ARHGEF4: variants seen among roughly 807,000 people sequenced by gnomAD.
ARHGEF4 encodes the protein APC-stimulated guanine nucleotide exchange factor 1.
In ARHGEF4, 119 loss-of-function variants were observed where a neutral mutation model predicts 162.0. The observed-to-expected ratio is 0.73, with a 90% CI of 0.63 to 0.86. The LOEUF (loss-of-function observed/expected upper bound fraction) is 0.86. ARHGEF4 is among the 40% of genes least tolerant of loss of function. The probability of loss-of-function intolerance (pLI) is 0.00; values close to 1 mark genes in which losing one functional copy is unlikely to be tolerated. For synonymous variants in ARHGEF4, 1,014 were observed against 979.9 expected (o/e 1.03, Z -0.65); for missense variants, 2,488 against 2,456.0 (o/e 1.01, Z -0.28).
intron 4 of ARHGEF4, among the ~76,000 whole-genome samples, chr2:131,013,214 GC>G (rs1235301566): frequency 6.6e-6 from 1 of 152,164 alleles, no homozygotes; most frequent in African/African-American, 2.4e-5. Context: ...GCTCTCACCA[GC>G]CTGGCAATAG....
At chr2:130,955,720 A>G (rs1441015973) in intron 4 of ARHGEF4, among the ~76,000 whole-genome samples, 1 of 152,204 alleles carries the variant, frequency 6.6e-6, no homozygotes, top group African/African-American at 2.4e-5. Context: ...CTCAGAAAGG[A>G]TCACTTTCTG....
At chr2:131,040,698 CAGAT>C (rs967056060) in intron 8 of ARHGEF4, among the ~76,000 whole-genome samples, 3 of 152,220 alleles carry the variant, frequency 2.0e-5, no homozygotes, top group African/African-American at 7.2e-5. Context: ...CTTGCTTTGA[CAGAT>C]AGGAGGGCAG....
chr2:130,900,759 A>ATAGTG (rs1350477065), intron 1 of ARHGEF4, among the ~76,000 whole-genome samples: 4 of 152,278 alleles, frequency 2.6e-5, no homozygotes, highest in African/African-American at 9.6e-5. Context: ...ATTTTTAATT[A>ATAGTG]TAGTGTAGAC....
At chr2:130,924,011 G>A (rs1320717603) in intron 2 of ARHGEF4, among the ~76,000 whole-genome samples, 1 of 151,434 alleles carries the variant, frequency 6.6e-6, no homozygotes, top group Non-Finnish European at 1.5e-5. Context: ...CTCCCGAGTA[G>A]CTGGGACTAC....
At position 130,866,339 on chromosome 2, in the gene ARHGEF4, G is replaced by A. The variant is rs1390471424; in HGVS notation, c.39+29347G>A. Among the ~76,000 whole-genome samples the A allele has an allele frequency of 4.6e-5, 7 of 152,200 alleles. No individual in the cohort carries two copies. In the East Asian group the frequency reaches 1.3e-3, roughly 29 times the overall value. ...GCAGAGGTTGCAGTGAGCCAAGTTT[G>A]TGCCACTGCACTCCAGCCTGGGTGA... On this transcript the variant is annotated intron_variant, in intron 1 of 13. Transcript: ENST00000409359.
chr2:130,906,736 G>T (rs1049920484), intron 1 of ARHGEF4, among the ~76,000 whole-genome samples: 1 of 152,116 alleles, frequency 6.6e-6, no homozygotes, highest in Non-Finnish European at 1.5e-5. Flanking sequence ...GTATCCAGTC[G>T]ACACGTCATT....
At position 130,988,901 on chromosome 2, in the gene ARHGEF4, T is replaced by TAGAGAGAGAGAGAGAG. The variant is rs368452142; in HGVS notation, c.3986-39024_3986-39009dup. ...ATATATATATATATATATATATATA[T>TAGAGAGAGAGAGAGAG]AGAGAGAGAGAGAGAGAGAGAGAGA... On this transcript the variant is annotated intron_variant, in intron 4 of 13. Transcript: ENST00000409359. Among the ~76,000 whole-genome samples, 7 of 113,384 alleles carry TAGAGAGAGAGAGAGAG rather than the reference T, an allele frequency of 6.2e-5. No individual in the cohort carries two copies. The East Asian group carries it at 1.1e-3, about 18-fold the overall frequency. 74.4% of individuals were successfully genotyped at this position (113,384 alleles called of 152,430 possible).
At chr2:130,921,215 C>T (rs1681853533) in intron 2 of ARHGEF4, among the ~76,000 whole-genome samples, 1 of 152,188 alleles carries the variant, frequency 6.6e-6, no homozygotes, top group Non-Finnish European at 1.5e-5. Context: ...AAGAATCATC[C>T]TGTGGACTGG....
chr2:130,878,184 A>G (rs180701571), intron 1 of ARHGEF4, among the ~76,000 whole-genome samples: 121 of 152,326 alleles, frequency 7.9e-4, no homozygotes, highest in Non-Finnish European at 4.4e-5. Flanking sequence ...TCTCTGTCAT[A>G]TATTCTTTAT....
chr2:130,844,969 G>T (rs1039386738), intron 1 of ARHGEF4, among the ~76,000 whole-genome samples: 4 of 151,642 alleles, frequency 2.6e-5, no homozygotes, highest in Non-Finnish European at 5.9e-5. Context: ...GATTACAGGC[G>T]TCCACCACCA....
intron 4 of ARHGEF4, among the ~76,000 whole-genome samples, chr2:131,013,151 G>A (rs745587866): frequency 1.2e-4 from 18 of 151,850 alleles, no homozygotes; most frequent in African/African-American, 3.4e-4. Context: ...AGGGCACGCC[G>A]CAGTGTGGAT....
At chr2:130,996,300 C>G (rs1687388579) in intron 4 of ARHGEF4, among the ~76,000 whole-genome samples, 1 of 152,214 alleles carries the variant, frequency 6.6e-6, no homozygotes, top group Admixed American at 6.5e-5. Context: ...CCTCTGTGTC[C>G]TAACCTGGCT....
At position 131,046,334 on chromosome 2, in the gene ARHGEF4, C is replaced by A; in HGVS notation, c.*145C>A. On this transcript the variant is annotated 3_prime_UTR_variant, in exon 14 of 14. Transcript: ENST00000409359. ...GAGTTGCTTGTGCCACCAAGACGTG[C>A]CAGGTCTGTACTCCTGTTGTCTTTT... is the stretch of plus-strand genomic sequence containing the variant. The A allele has an allele frequency of 1.2e-6, 1 of 832,468 alleles. No homozygotes were observed. Among genetic ancestry groups the A allele is most frequent in the Non-Finnish European group, 1.9e-6 (1 of 539,202 alleles). The allele number at this position is 832,468 out of a possible 1,614,324, so 51.6% of individuals were successfully genotyped here. A position where few individuals can be genotyped will look rare whatever the true frequency, so the allele number is the denominator to read the frequency against.
At chr2:130,978,688 A>C (rs62178927) in intron 4 of ARHGEF4, among the ~76,000 whole-genome samples, 6,583 of 152,256 alleles carry the variant, frequency 0.043, 162 homozygotes, top group Middle Eastern at 0.075. Context: ...AATATGACTC[A>C]AATTCTGTTT....
chr2:130,935,152 T>G (rs1682863862), intron 3 of ARHGEF4, among the ~76,000 whole-genome samples: 1 of 121,874 alleles, frequency 8.2e-6, no homozygotes, highest in Admixed American at 9.7e-5. Context: ...TTTTAATTTT[T>G]TATCTATTTA....
At chr2:130,967,320 C>G (rs1352318643) in intron 4 of ARHGEF4, among the ~76,000 whole-genome samples, 1 of 152,208 alleles carries the variant, frequency 6.6e-6, no homozygotes, top group Non-Finnish European at 1.5e-5. Context: ...CATGGCCCTT[C>G]TTTCTGCCCC....
chr2:130,981,448 C>T (rs891983502), intron 4 of ARHGEF4, among the ~76,000 whole-genome samples: 1 of 152,078 alleles, frequency 6.6e-6, no homozygotes, highest in South Asian at 2.1e-4. Flanking sequence ...ATCCCAAGGT[C>T]GGGGGATCGA....
chr2:130,843,793 C>T (rs1265183809), intron 1 of ARHGEF4, among the ~76,000 whole-genome samples: 4 of 152,240 alleles, frequency 2.6e-5, no homozygotes, highest in Admixed American at 6.5e-5. Context: ...TGGAGCACAG[C>T]GTATCCTCGG....
At chr2:130,852,421 G>A (rs961686134) in intron 1 of ARHGEF4, among the ~76,000 whole-genome samples, 1 of 152,166 alleles carries the variant, frequency 6.6e-6, no homozygotes, top group African/African-American at 2.4e-5. Context: ...CAACATCGGG[G>A]TGCCGTTCTG....
Sources: gnomAD v4.1 joint callset for allele counts (sites outside exome capture counted in the v4.1 genomes callset) on GRCh38, gnomAD v4.1.1 for gene constraint, MANE v1.5 for transcripts, NCBI Gene and HGNC (gene_info 2026-07-23, HGNC 2026-07-21) for gene names.